KXD1: variants seen among roughly 807,000 people sequenced by gnomAD.
KXD1 encodes the protein kxDL motif-containing protein 1.
A neutral mutation model predicts 12.1 loss-of-function variants in KXD1; 5 were observed. The observed-to-expected ratio is 0.41, with a 90% confidence interval of 0.22 to 0.87. The LOEUF (loss-of-function observed/expected upper bound fraction) is 0.87, where lower values mean the gene tolerates loss of function less well. Ranked by LOEUF, KXD1 falls within the 40% of genes least tolerant of loss-of-function variation. The pLI, the probability that KXD1 is intolerant of heterozygous loss-of-function variation, is 0.31. For missense variants in KXD1, 193 were observed against 244.9 expected (o/e 0.79, Z 1.41); for synonymous variants, 98 against 100.5 (o/e 0.98, Z 0.15).
In KXD1 at chr19:18,562,128, C is replaced by G; in HGVS notation, c.72C>G (p.Val24=). 2 of 1,612,388 alleles carry G rather than the reference C, an allele frequency of 1.2e-6. No individual in the cohort carries two copies. Among genetic ancestry groups the G allele is most frequent in the African/African-American group, 1.3e-5 (1 of 75,020 alleles). Residue 24 remains valine, a synonymous_variant, in exon 2 of 5, where the codon GTC becomes GTG. Transcript: ENST00000222307. ...RILSMVNTDD[V]NAIILAQKNM... is the part of the protein sequence containing the mutation. ...TGAGCATGGTGAACACAGATGATGT[C>G]AACGCCATCATCCTGGCCCAGAAGA...
At position 18,568,710 on chromosome 19, in the gene KXD1, C is replaced by A; in HGVS notation, c.*79C>A. 1.8e-6 allele frequency: 2 copies of A among 1,092,892 alleles called. No individual in the cohort carries two copies. The highest frequency in any genetic ancestry group is 2.8e-5 in the South Asian group (2 of 71,194). The allele number at this position is 1,092,892 out of a possible 1,614,324, so 67.7% of individuals were successfully genotyped here. A position where few individuals can be genotyped will look rare whatever the true frequency, so the allele number is the denominator to read the frequency against. ...AGCGGGTAACCCTGCCTTGTTCTGTCATCCAGGGCTCCTTTGCTGCCCCGT... is the reference window on the plus strand; with the variant it reads ...AGCGGGTAACCCTGCCTTGTTCTGTAATCCAGGGCTCCTTTGCTGCCCCGT... On this transcript the variant is annotated 3_prime_UTR_variant, in exon 5 of 5. Coordinates refer to ENST00000222307, the MANE Select transcript of KXD1 (RefSeq NM_024069.4).
rs761136225 is a variant in KXD1 at position 18,567,293 on chromosome 19, G to C, written c.301+115G>C. 4.5e-6 allele frequency: 5 copies of C among 1,101,872 alleles called. No homozygotes were observed. In the East Asian group the frequency reaches 1.2e-4, roughly 27 times the overall value. 68.3% of individuals were successfully genotyped at this position (1,101,872 alleles called of 1,614,324 possible). Reference sequence around the variant, plus strand: ...TGAGACCAGGCTGTAATGGGCAGTGGGTCTGGGGAAACCTGGGGTGGGGGC... The same window carrying C: ...TGAGACCAGGCTGTAATGGGCAGTGCGTCTGGGGAAACCTGGGGTGGGGGC... On this transcript the variant is annotated intron_variant, in intron 4 of 4. Transcript: ENST00000222307.
intron 4 of KXD1, chr19:18,567,381 C>A: frequency 1.5e-6 from 1 of 650,064 alleles, no homozygotes; most frequent in Non-Finnish European, 2.8e-6. Context: ...GACGGGAGTC[C>A]GTGCCCCGTG....
At chr19:18,564,783 G>A in intron 2 of KXD1, 86 bp from the exon 3 acceptor site, 1 of 1,480,044 alleles carries the variant, frequency 6.8e-7, no homozygotes, top group Non-Finnish European at 9.3e-7. Context: ...AAGCAGGCAA[G>A]GGCTTGGCAT....
Position 18,562,076 on chromosome 19 carries a change from C to T in KXD1, c.20C>T (p.Ala7Val), listed in dbSNP as rs1265469350. ...AAAGAGATGGACCTCCCGGACTCGG[C>T]CTCGAGGGTCTTCTGCGGCCGCATC... Reference protein sequence around the residue: MDLPDSASRVFCGRILS... With the variant: MDLPDSVSRVFCGRILS... The change falls in exon 2 of 5, where the codon GCC becomes GTC. Residue 7 changes from alanine (A) to valine (V), a missense_variant. Coordinates refer to ENST00000222307, the MANE Select transcript of KXD1 (RefSeq NM_024069.4). 1.2e-6 allele frequency: 2 copies of T among 1,613,302 alleles called. No homozygotes were observed. Among genetic ancestry groups the T allele is most frequent in the South Asian group, 1.1e-5 (1 of 90,946 alleles).
intron 1 of KXD1, among the ~76,000 whole-genome samples, chr19:18,560,732 G>A (rs183670782): frequency 4.0e-4 from 61 of 151,164 alleles, no homozygotes; most frequent in Non-Finnish European, 7.1e-4. Context: ...TTTTTGAGAC[G>A]GAGTCTCTCT....
At chr19:18,560,245 C>T (rs2058077) in intron 1 of KXD1, 97,491 of 151,802 alleles carry the variant, frequency 0.64, 31,695 homozygotes, top group African/African-American at 0.75. Context: ...TGACCTCAAG[C>T]AGTCTGCCCA....
rs775669060 is a variant in KXD1 at position 18,568,564 on chromosome 19, T to G, written c.464T>G (p.Val155Gly). 17 of 1,613,800 alleles carry G rather than the reference T, an allele frequency of 1.1e-5. No homozygotes were observed. The highest frequency in any genetic ancestry group is 1.6e-4 in the Middle Eastern group (1 of 6,062). Residue 155 changes from valine (V) to glycine (G), a missense_variant, in exon 5 of 5, where the codon GTC (valine) becomes GGC (glycine). Val to Gly is a moderately radical substitution (Grantham distance 109). Coordinates refer to ENST00000222307, the MANE Select transcript of KXD1 (RefSeq NM_024069.4). Reference protein sequence around the residue: ...LSPGFEDLSHVQPGSPAINGR... With the variant: ...LSPGFEDLSHGQPGSPAINGR... ...CCCGGCTTCGAGGACCTGTCCCATG[T>G]CCAGCCTGGCTCCCCAGCCATCAAC...
At chr19:18,558,868 G>C (rs958544227) in intron 1 of KXD1, 1 of 151,938 alleles carries the variant, frequency 6.6e-6, no homozygotes, top group East Asian at 1.9e-4. Context: ...CCTCACATCT[G>C]GGAGCCAGAG....
intron 1 of KXD1, chr19:18,561,408 G>T (rs980132016): frequency 6.6e-6 from 1 of 152,234 alleles, no homozygotes; most frequent in Admixed American, 6.5e-5. Flanking sequence ...ACAAAAATTA[G>T]CCAGGCGTGG....
chr19:18,566,658 T>A (rs1046202587), intron 3 of KXD1, among the ~76,000 whole-genome samples: 6 of 151,862 alleles, frequency 4.0e-5, no homozygotes, highest in African/African-American at 1.5e-4. Context: ...CTGAGCATGG[T>A]GGCACGTGCC....
At chr19:18,558,767 G>GT (rs1358277478) in intron 1 of KXD1, 2 of 152,248 alleles carry the variant, frequency 1.3e-5, no homozygotes, top group East Asian at 3.9e-4. Flanking sequence ...ATTTCACTGT[G>GT]TATGTGGGCC....
At position 18,562,227 on chromosome 19, in the gene KXD1, G is replaced by A. The variant is rs867232170; in HGVS notation, c.101+70G>A. On this transcript the variant is annotated intron_variant, in intron 2 of 4. Transcript: ENST00000222307. Reference sequence around the variant, plus strand: ...GCTGGCCAACATTCTTGTCTTGCCCGCCCCTACCCGGGGCCCACACTGGTG... The same window carrying A: ...GCTGGCCAACATTCTTGTCTTGCCCACCCCTACCCGGGGCCCACACTGGTG... 19 of 1,194,436 alleles carry A rather than the reference G, an allele frequency of 1.6e-5. No homozygotes were observed. In the Middle Eastern group the frequency reaches 1.7e-3, roughly 110 times the overall value. 74.0% of individuals were successfully genotyped at this position (1,194,436 alleles called of 1,614,324 possible).
chr19:18,564,977 A>C lies in KXD1; in HGVS notation c.210A>C (p.Leu70=), dbSNP rs781470074. 6.2e-6 allele frequency: 10 copies of C among 1,611,142 alleles called. No individual in the cohort carries two copies. The highest frequency in any genetic ancestry group is 4.2e-6 in the Non-Finnish European group (5 of 1,179,982). ...SERFLHHTRT[L]VEMKRDLDSI... Reference sequence around the variant, plus strand: ...GCTTCCTGCACCACACGAGGACCCTAGTAGAGATGAAACGGGACCTGGACA... The same window carrying C: ...GCTTCCTGCACCACACGAGGACCCTCGTAGAGATGAAACGGGACCTGGACA... The change falls in exon 3 of 5, where the codon CTA becomes CTC. Residue 70 remains leucine, a synonymous_variant. Transcript: ENST00000222307.
rs1396891091 is a variant in KXD1, at chr19:18,557,915, G to C, written c.-22+1G>C. On this transcript the variant is annotated splice_donor_variant, in intron 1 of 4. Coordinates refer to ENST00000222307, the MANE Select transcript of KXD1 (RefSeq NM_024069.4). LOFTEE classifies it low-confidence loss of function (5UTR_SPLICE). ...GCGAGCAAGGCCGCCAGATGTGCAG[G>C]TGCCGCCGCTACCGACGCCGGGGCC... is the stretch of plus-strand genomic sequence containing the variant. 2 of 152,272 alleles carry C rather than the reference G, an allele frequency of 1.3e-5. No individual in the cohort carries two copies. Among genetic ancestry groups the C allele is most frequent in the Non-Finnish European group, 2.9e-5 (2 of 68,078 alleles). 9.4% of individuals were successfully genotyped at this position (152,272 alleles called of 1,614,324 possible). A position where few individuals can be genotyped will look rare whatever the true frequency, so the allele number is the denominator to read the frequency against.
At chr19:18,558,399 C>T (rs566968439) in intron 1 of KXD1, 1 of 152,134 alleles carries the variant, frequency 6.6e-6, no homozygotes, top group South Asian at 2.1e-4. Context: ...CAGTTTCACT[C>T]GGAGATGATT....
intron 4 of KXD1, among the ~76,000 whole-genome samples, chr19:18,568,171 G>A (rs144164737): frequency 6.9e-4 from 104 of 151,558 alleles, no homozygotes; most frequent in Middle Eastern, 6.8e-3. Flanking sequence ...GGAGGTTAAG[G>A]CAGAAGAATC....
chr19:18,560,941 G>A (rs1389106981), intron 1 of KXD1, among the ~76,000 whole-genome samples: 1 of 151,902 alleles, frequency 6.6e-6, no homozygotes. Flanking sequence ...TCCTGACCTC[G>A]TGATCCACCT....
chr19:18,568,445 C>T lies in KXD1; in HGVS notation c.345C>T (p.Pro115=). The T allele has an allele frequency of 1.9e-6, 3 of 1,614,096 alleles. No individual in the cohort carries two copies. Among genetic ancestry groups the T allele is most frequent in the Non-Finnish European group, 2.5e-6 (3 of 1,180,006 alleles). Residue 115 remains proline (P), a synonymous_variant, in exon 5 of 5, where the codon CCC becomes CCT. Transcript: ENST00000222307. ...ASFLEEEDED[P]IPPSTTTTIA... The stretch of plus-strand genomic sequence containing the variant: ...TCCTGGAGGAAGAGGATGAAGACCC[C>T]ATCCCACCCAGCACCACGACCACCA...
Sources: gnomAD v4.1 joint callset for allele counts (sites outside exome capture counted in the v4.1 genomes callset) on GRCh38, gnomAD v4.1.1 for gene constraint, MANE v1.5 for transcripts, NCBI Gene and HGNC (gene_info 2026-07-23, HGNC 2026-07-21) for gene names.